Variants in HEATR4 observed in about 807,000 individuals in gnomAD.
The protein encoded by HEATR4 is HEAT repeat-containing protein 4.
Under a neutral mutation model 108.8 loss-of-function variants are expected in HEATR4, and 95 were observed. The observed-to-expected ratio is 0.87, with a 90% CI of 0.74 to 1.04. The LOEUF (loss-of-function observed/expected upper bound fraction) is 1.04, where lower values mean the gene tolerates loss of function less well. HEATR4 is among the 50% of genes least tolerant of loss of function. The pLI, the probability that HEATR4 is intolerant of heterozygous loss-of-function variation, is 0.00. For synonymous variants in HEATR4, 443 were observed against 459.4 expected (o/e 0.96, Z 0.46); for missense variants, 1,152 against 1,253.8 (o/e 0.92, Z 1.23).
intron 7 of HEATR4, 90 bp downstream of exon 7, chr14:73,511,916 C>G (rs1280125765): frequency 6.6e-7 from 1 of 1,512,820 alleles, no homozygotes; most frequent in African/African-American, 1.4e-5. Flanking sequence ...GTAAAATGAT[C>G]TCAGATAAGC....
chr14:73,611,835 C>T, the HEATR4 span, among the ~76,000 whole-genome samples: 1 of 152,020 alleles, frequency 6.6e-6, no homozygotes, highest in African/African-American at 2.4e-5. Flanking sequence ...TACCATTAGC[C>T]CTGGAAAAAA....
intron 10 of HEATR4, among the ~76,000 whole-genome samples, chr14:73,504,755 G>T (rs996979926): frequency 6.6e-6 from 1 of 152,184 alleles, no homozygotes; most frequent in Non-Finnish European, 1.5e-5. Context: ...GAATGGCAAT[G>T]TTCTGGGCTA....
the HEATR4 span, among the ~76,000 whole-genome samples, chr14:73,573,926 A>G: frequency 6.6e-6 from 1 of 151,976 alleles, no homozygotes; most frequent in African/African-American, 2.4e-5. Context: ...GGGGTTTCAC[A>G]ATATTGGTCA....
chr14:73,525,083 G>A (rs1888246506), intron 2 of HEATR4, among the ~76,000 whole-genome samples: 1 of 152,108 alleles, frequency 6.6e-6, no homozygotes, highest in Admixed American at 6.5e-5. Context: ...CTGGAGTGCA[G>A]CACTGGCACG....
chr14:73,595,416 A>G, the HEATR4 span: 1 of 1,614,238 alleles, frequency 6.2e-7, no homozygotes, highest in Non-Finnish European at 8.5e-7. Context: ...GAACGGTTAC[A>G]GGCCCATGGA....
At chr14:73,602,967 C>T in the HEATR4 span, among the ~76,000 whole-genome samples, 1 of 152,158 alleles carries the variant, frequency 6.6e-6, no homozygotes, top group East Asian at 1.9e-4. Flanking sequence ...TGTACATTCC[C>T]ATGCCTTCTT....
chr14:73,617,470 A>G, the HEATR4 span, among the ~76,000 whole-genome samples: 1 of 152,114 alleles, frequency 6.6e-6, no homozygotes, highest in Non-Finnish European at 1.5e-5. Flanking sequence ...TTTTTGTACT[A>G]GGATTATTAT....
chr14:73,493,995 C>T (rs1368968244), intron 16 of HEATR4, among the ~76,000 whole-genome samples: 1 of 152,170 alleles, frequency 6.6e-6, no homozygotes, highest in Non-Finnish European at 1.5e-5. Flanking sequence ...TGTTTTTGCT[C>T]ACTGTTTGCT....
chr14:73,489,011 C>T (rs1885559606), intron 17 of HEATR4, among the ~76,000 whole-genome samples: 1 of 151,850 alleles, frequency 6.6e-6, no homozygotes, highest in African/African-American at 2.4e-5. Flanking sequence ...GGTAACACAG[C>T]AAGACCCTGT....
the HEATR4 span, chr14:73,581,290 G>A: frequency 6.6e-6 from 1 of 152,070 alleles, no homozygotes; most frequent in Admixed American, 6.6e-5. Flanking sequence ...CAGATCTGGT[G>A]TCTGGTGAGG....
chr14:73,624,188 T>G, the HEATR4 span, among the ~76,000 whole-genome samples: 13 of 151,928 alleles, frequency 8.6e-5, no homozygotes, highest in African/African-American at 2.4e-4. Flanking sequence ...AGTGGTGCAA[T>G]CTCGGCTCAC....
rs188250858 is a variant in HEATR4, at chr14:73,490,405, C to T, written c.2844+2661G>A. Among the ~76,000 whole-genome samples, 1,343 of 152,346 alleles carry T rather than the reference C, an allele frequency of 8.8e-3. 23 individuals are homozygous for T. Among genetic ancestry groups the T allele is most frequent in the African/African-American group, 0.031 (1,292 of 41,570 alleles). On this transcript the variant is annotated intron_variant, in intron 17 of 17. Coordinates refer to ENST00000553558, the MANE Select transcript of HEATR4 (RefSeq NM_001220484.1). The stretch of plus-strand genomic sequence containing the variant: ...TCTCGGCTCACTGCAAGCTCTGCCT[C>T]CCGGGTTCACGCCATCCTCCTGCCT...
At chr14:73,630,334 A>G in the HEATR4 span, among the ~76,000 whole-genome samples, 2 of 152,360 alleles carry the variant, frequency 1.3e-5, no homozygotes, top group Admixed American at 1.3e-4. Flanking sequence ...ACATTATTCT[A>G]TAAAGTCCCC....
chr14:73,612,400 T>A, the HEATR4 span: 1 of 439,228 alleles, frequency 2.3e-6, no homozygotes, highest in Non-Finnish European at 3.9e-6. Context: ...ACTGGTGTAT[T>A]TGCACAAATT....
chr14:73,559,428 A>C (rs915665336), upstream of HEATR4, among the ~76,000 whole-genome samples: 7 of 151,834 alleles, frequency 4.6e-5, no homozygotes, highest in Non-Finnish European at 7.4e-5. Flanking sequence ...CCTCTTGGTC[A>C]TTCTTTGAAA....
chr14:73,568,266 C>T, the HEATR4 span: 2 of 151,772 alleles, frequency 1.3e-5, no homozygotes, highest in Non-Finnish European at 2.9e-5. Context: ...TTGAAGCCTA[C>T]ACATTTATAG....
In HEATR4 at chr14:73,537,926, C is replaced by G. The variant is rs1418307194; in HGVS notation, c.-151-7682G>C. 1.1e-5 allele frequency: 12 copies of G among 1,137,854 alleles called. 4 individuals carry two copies. In the African/African-American group the frequency reaches 2.1e-4, roughly 20 times the overall value. 70.5% of individuals were successfully genotyped at this position (1,137,854 alleles called of 1,614,324 possible). ...TCCCCTCTGCCCATCCCTGTTCCTG[C>G]GCTTTCCACTGTGTGTGTGTGTGTG... On this transcript the variant is annotated intron_variant, in intron 1 of 17. Coordinates refer to ENST00000553558, the MANE Select transcript of HEATR4 (RefSeq NM_001220484.1).
At chr14:73,573,002 A>G in the HEATR4 span, among the ~76,000 whole-genome samples, 1 of 151,560 alleles carries the variant, frequency 6.6e-6, no homozygotes, top group Non-Finnish European at 1.5e-5. Flanking sequence ...TAAATGATAA[A>G]AATATCAGTA....
the HEATR4 span, chr14:73,575,064 C>T: frequency 3.3e-6 from 5 of 1,521,984 alleles, no homozygotes; most frequent in East Asian, 1.2e-4. Context: ...CGAGACCCTG[C>T]CCCCTGTGGG....
Sources: allele counts gnomAD v4.1 joint callset (sites outside exome capture counted in the v4.1 genomes callset), GRCh38; gene constraint gnomAD v4.1.1; transcripts MANE v1.5; gene names NCBI Gene and HGNC (gene_info 2026-07-23, HGNC 2026-07-21).